Variants in CPAMD8 observed in about 807,000 individuals in gnomAD.
The protein encoded by CPAMD8 is C3 and PZP-like alpha-2-macroglobulin domain-containing protein 8.
A neutral mutation model predicts 224.7 loss-of-function variants in CPAMD8; 146 were observed. The ratio of observed to expected loss-of-function variants is 0.65; its 90% CI spans 0.57 to 0.75. CPAMD8 has a LOEUF of 0.75. CPAMD8 is among the 30% of genes least tolerant of loss of function. CPAMD8 has a pLI of 0.00. For missense variants in CPAMD8, 2,301 were observed against 2,537.5 expected (o/e 0.91, Z 2.00); for synonymous variants, 966 against 1,044.6 (o/e 0.92, Z 1.45).
At chr19:16,956,091 G>C (rs570159895) in intron 19 of CPAMD8, among the ~76,000 whole-genome samples, 10 of 152,100 alleles carry the variant, frequency 6.6e-5, no homozygotes, top group African/African-American at 9.7e-5. Context: ...CAGCCAACAA[G>C]AGAGGAGAGA....
intron 26 of CPAMD8, 52 bp from the exon 27 acceptor site, chr19:16,922,038 C>A (rs891269542): frequency 6.1e-5 from 80 of 1,321,572 alleles, no homozygotes; most frequent in Non-Finnish European, 8.3e-5. Flanking sequence ...TGGCCCAGGC[C>A]CGCCCCCAGG....
At position 17,022,047 on chromosome 19, in the gene CPAMD8, C is replaced by T. The variant is rs377662966; in HGVS notation, c.227G>A (p.Ser76Asn). 2.3e-5 allele frequency: 37 copies of T among 1,604,494 alleles called. No individual in the cohort carries two copies. In the African/African-American group the frequency reaches 4.7e-4, roughly 20 times the overall value. The stretch of plus-strand genomic sequence containing the variant: ...GGACCTACCCAGGATGGCTCCCTGG[C>T]TCTGCACCACCGGCTCACCCTGGGC... ...LVAQGEPVVQSQGAILDKGTI... is the reference protein window; with the variant it reads ...LVAQGEPVVQNQGAILDKGTI... Residue 76 changes from serine (S) to asparagine (N), a missense_variant, in exon 2 of 42, where the codon AGC becomes AAC. Ser to Asn is a conservative substitution (Grantham distance 46). Transcript: ENST00000443236.
rs2053455864 is a variant in CPAMD8, at chr19:16,928,816, A to G, written c.3144+126T>C. ...GCGACTCTAGACTAAGAACAACTTG[A>G]GGTGGTGCTCCATGTTTCCCTTGCT... On this transcript the variant is annotated intron_variant, in intron 24 of 41. Coordinates refer to ENST00000443236, the MANE Select transcript of CPAMD8 (RefSeq NM_015692.5). 6.0e-6 allele frequency: 4 copies of G among 671,138 alleles called. No individual in the cohort carries two copies. In the South Asian group the frequency reaches 8.3e-5, roughly 14 times the overall value. 41.6% of individuals were successfully genotyped at this position (671,138 alleles called of 1,614,324 possible).
At chr19:16,977,130 C>T (rs2055306179) in intron 15 of CPAMD8, among the ~76,000 whole-genome samples, 1 of 152,088 alleles carries the variant, frequency 6.6e-6, no homozygotes, top group Non-Finnish European at 1.5e-5. Flanking sequence ...CCCTTAAATC[C>T]TGAATTCAAC....
At chr19:16,938,669 C>T (rs1335764370) in intron 22 of CPAMD8, among the ~76,000 whole-genome samples, 1 of 152,154 alleles carries the variant, frequency 6.6e-6, no homozygotes, top group Non-Finnish European at 1.5e-5. Flanking sequence ...TGAGGCTGCT[C>T]CCCCTTGCTG....
intron 27 of CPAMD8, among the ~76,000 whole-genome samples, chr19:16,920,107 C>T (rs1405024348): frequency 2.6e-5 from 4 of 152,158 alleles, no homozygotes; most frequent in Admixed American, 2.0e-4. Flanking sequence ...AGGAAGACGT[C>T]CATGTTTGGA....
chr19:16,896,427 C>G (rs889891730), intron 40 of CPAMD8, 29 bp downstream of exon 40: 4 of 1,471,224 alleles, frequency 2.7e-6, no homozygotes, highest in Non-Finnish European at 3.6e-6. Flanking sequence ...ATGGTGTCCC[C>G]GAGGCTAGGC....
Position 16,897,742 on chromosome 19 carries a change from A to T in CPAMD8, c.5014T>A (p.Cys1672Ser). 1 of 1,577,016 alleles carries T rather than the reference A, an allele frequency of 6.3e-7. No individual in the cohort carries two copies. Among genetic ancestry groups the T allele is most frequent in the Non-Finnish European group, 8.6e-7 (1 of 1,164,388 alleles). Reference protein sequence around the residue: ...STHSPLARELCAGPACNEVER... With the variant: ...STHSPLARELSAGPACNEVER... ...ACTTCGTTGCACGCGGGTCCGGCGCACAGTTCCCGGGCGAGTGGGCTGTGG... is the reference window on the plus strand; with the variant it reads ...ACTTCGTTGCACGCGGGTCCGGCGCTCAGTTCCCGGGCGAGTGGGCTGTGG... Residue 1672 changes from cysteine to serine, a missense_variant, in exon 39 of 42, where the codon TGC becomes AGC. Physicochemically the swap from Cys to Ser is moderately radical, Grantham distance 112. Transcript: ENST00000443236.
At chr19:17,017,992 C>T (rs185222342) in intron 3 of CPAMD8, among the ~76,000 whole-genome samples, 94 of 150,086 alleles carry the variant, frequency 6.3e-4, no homozygotes, top group African/African-American at 2.3e-3. Flanking sequence ...AAGATTGCAT[C>T]ACTGCACTCC....
At chr19:16,947,953 G>A (rs1238226306) in intron 20 of CPAMD8, among the ~76,000 whole-genome samples, 1 of 152,184 alleles carries the variant, frequency 6.6e-6, no homozygotes, top group East Asian at 1.9e-4. Flanking sequence ...TGCAAGTATG[G>A]CATGTGTATA....
chr19:16,933,453 A>G (rs1312547122), intron 23 of CPAMD8, among the ~76,000 whole-genome samples: 1 of 152,224 alleles, frequency 6.6e-6, no homozygotes, highest in Non-Finnish European at 1.5e-5. Flanking sequence ...AAGAACTTGT[A>G]TCCAGAATAT....
At chr19:16,923,712 C>T (rs532323701) in intron 26 of CPAMD8, among the ~76,000 whole-genome samples, 1 of 152,236 alleles carries the variant, frequency 6.6e-6, no homozygotes, top group South Asian at 2.1e-4. Context: ...ACCTGGAATC[C>T]CAGCACTTTG....
At chr19:16,922,078 CG>C in intron 26 of CPAMD8, 92 bp from the exon 27 acceptor site, 1 of 808,004 alleles carries the variant, frequency 1.2e-6, no homozygotes, top group Middle Eastern at 3.5e-4. Context: ...TCCCCTACCC[CG>C]GATCTCCGAA....
At chr19:17,003,435 C>T (rs765392897) in intron 8 of CPAMD8, among the ~76,000 whole-genome samples, 4 of 151,602 alleles carry the variant, frequency 2.6e-5, no homozygotes, top group Non-Finnish European at 5.9e-5. Flanking sequence ...TGGCCTCAAG[C>T]GATCCTCCAG....
chr19:16,902,569 C>G lies in CPAMD8; in HGVS notation c.4685+80G>C, dbSNP rs1042849392. On this transcript the variant is annotated intron_variant, in intron 35 of 41. Coordinates refer to ENST00000443236, the MANE Select transcript of CPAMD8 (RefSeq NM_015692.5). ...CACTGAGTGCCTGGAGCCGGAAGCT[C>G]CTCCTGGTCCCAGGAGGCCATCCTC... 4 of 835,978 alleles carry G rather than the reference C, an allele frequency of 4.8e-6. No homozygotes were observed. In the Admixed American group the frequency reaches 7.6e-5, roughly 16 times the overall value. The allele number at this position is 835,978 out of a possible 1,614,324, so 51.8% of individuals were successfully genotyped here. A position where few individuals can be genotyped will look rare whatever the true frequency, so the allele number is the denominator to read the frequency against.
rs746602414 is a variant in CPAMD8 at position 17,010,456 on chromosome 19, TCTC to T, written c.486+1005_486+1007del. Among the ~76,000 whole-genome samples, 112 of 152,220 alleles carry T rather than the reference TCTC, an allele frequency of 7.4e-4. 1 individual carries two copies. Among genetic ancestry groups the T allele is most frequent in the Admixed American group, 1.2e-3 (19 of 15,278 alleles). On this transcript the variant is annotated intron_variant, in intron 5 of 41. Transcript: ENST00000443236. ...AGTTTCGCTATGTTGCCCAGAATGG[TCTC>T]GGACTCCTGGCCACAGCGATCTTCC...
chr19:16,953,094 G>A (rs1243390621), intron 19 of CPAMD8, among the ~76,000 whole-genome samples: 1 of 152,072 alleles, frequency 6.6e-6, no homozygotes, highest in Non-Finnish European at 1.5e-5. Context: ...TTTTTGACAA[G>A]GGCATCAAGA....
At chr19:16,936,606 C>T (rs566369675) in intron 23 of CPAMD8, among the ~76,000 whole-genome samples, 40 of 152,114 alleles carry the variant, frequency 2.6e-4, no homozygotes, top group East Asian at 7.7e-4. Context: ...GGAGTTTCAC[C>T]GTGCTGGTCA....
chr19:16,988,967 G>A (rs2055841450), intron 13 of CPAMD8, among the ~76,000 whole-genome samples: 1 of 152,078 alleles, frequency 6.6e-6, no homozygotes, highest in South Asian at 2.1e-4. Flanking sequence ...GTGCTTGCAC[G>A]GGATCTAGGT....
Sources: gnomAD v4.1 joint callset for allele counts (sites outside exome capture counted in the v4.1 genomes callset) on GRCh38, gnomAD v4.1.1 for gene constraint, MANE v1.5 for transcripts, NCBI Gene and HGNC (gene_info 2026-07-23, HGNC 2026-07-21) for gene names.